The following SCRG1 variants were observed in gnomAD, a reference collection of about 807,000 sequenced individuals.
SCRG1 encodes the protein scrapie-responsive protein 1.
Under a neutral mutation model 7.7 loss-of-function variants are expected in SCRG1, and 3 were observed. The observed-to-expected ratio is 0.39, with a 90% CI of 0.18 to 1.01. SCRG1 has a LOEUF of 1.01. SCRG1 is among the 50% of genes least tolerant of loss of function. The pLI is 0.36. For synonymous variants in SCRG1, 46 were observed against 41.2 expected, an observed-to-expected ratio of 1.12 and a Z score of -0.44; for missense variants, 110 against 117.2, an observed-to-expected ratio of 0.94 and a Z score of 0.28.
chr4:173,393,245 A>G (rs147641992), intron 1 of SCRG1, among the ~76,000 whole-genome samples: 1 of 152,232 alleles, frequency 6.6e-6, no homozygotes, highest in Non-Finnish European at 1.5e-5. Context: ...GATTAGAAAC[A>G]AAGTATTTCT....
the SCRG1 span, among the ~76,000 whole-genome samples, chr4:173,434,739 G>A: frequency 6.6e-6 from 1 of 152,206 alleles, no homozygotes; most frequent in African/African-American, 2.4e-5. Flanking sequence ...GCTGAGGCAG[G>A]AGAATTGCTC....
At chr4:173,493,838 C>A in the SCRG1 span, among the ~76,000 whole-genome samples, 1 of 152,084 alleles carries the variant, frequency 6.6e-6, no homozygotes, top group African/African-American at 2.4e-5. Context: ...TGGATGGCCA[C>A]ATTTTTATTA....
the SCRG1 span, among the ~76,000 whole-genome samples, chr4:173,488,725 G>T: frequency 6.6e-6 from 1 of 152,076 alleles, no homozygotes; most frequent in Non-Finnish European, 1.5e-5. Context: ...TTGCAATATG[G>T]TTTCATCTGA....
chr4:173,424,619 A>G, the SCRG1 span, among the ~76,000 whole-genome samples: 135 of 152,298 alleles, frequency 8.9e-4, 2 homozygotes, highest in East Asian at 8.9e-3. Flanking sequence ...TAAGAAATGT[A>G]TGAAGCTAGG....
At chr4:173,457,473 G>T in the SCRG1 span, among the ~76,000 whole-genome samples, 10 of 152,270 alleles carry the variant, frequency 6.6e-5, no homozygotes, top group East Asian at 1.4e-3. Context: ...TAACATCAAA[G>T]AATTGAGTAA....
chr4:173,420,882 T>A, the SCRG1 span, among the ~76,000 whole-genome samples: 1 of 152,152 alleles, frequency 6.6e-6, no homozygotes, highest in Non-Finnish European at 1.5e-5. Context: ...AGATTAATAA[T>A]ACCTCCTCCC....
chr4:173,484,188 C>CTACATTA, the SCRG1 span, among the ~76,000 whole-genome samples: 1 of 62,126 alleles, frequency 1.6e-5, no homozygotes, highest in African/African-American at 7.1e-5. Flanking sequence ...AATATATTTT[C>CTACATTA]TATATTATAT....
At chr4:173,419,122 C>A in the SCRG1 span, 2 of 257,452 alleles carry the variant, frequency 7.8e-6, no homozygotes. Flanking sequence ...ATCACTGACA[C>A]TTATCCTGAG....
At chr4:173,500,397 G>A in the SCRG1 span, among the ~76,000 whole-genome samples, 3 of 152,180 alleles carry the variant, frequency 2.0e-5, no homozygotes, top group African/African-American at 7.2e-5. Flanking sequence ...AACAGCGCAG[G>A]AAATACGGGC....
chr4:173,448,020 C>T, the SCRG1 span, among the ~76,000 whole-genome samples: 1 of 152,170 alleles, frequency 6.6e-6, no homozygotes, highest in Non-Finnish European at 1.5e-5. Flanking sequence ...AGGAGAATCA[C>T]TTGAACCAGG....
At chr4:173,394,022 C>A (rs1739525928) in intron 1 of SCRG1, among the ~76,000 whole-genome samples, 1 of 151,870 alleles carries the variant, frequency 6.6e-6, no homozygotes, top group Non-Finnish European at 1.5e-5. Flanking sequence ...TTAAGTAAGT[C>A]ATTTGTAGAA....
chr4:173,485,964 T>A, the SCRG1 span, among the ~76,000 whole-genome samples: 1 of 152,140 alleles, frequency 6.6e-6, no homozygotes, highest in Admixed American at 6.5e-5. Flanking sequence ...AATGAGACTC[T>A]GTCTCAAAAA....
At chr4:173,482,881 T>C in the SCRG1 span, among the ~76,000 whole-genome samples, 1 of 141,208 alleles carries the variant, frequency 7.1e-6, no homozygotes, top group East Asian at 2.0e-4. Context: ...ATTTTTTATA[T>C]GTTATATATT....
chr4:173,486,864 C>T, the SCRG1 span, among the ~76,000 whole-genome samples: 1 of 152,114 alleles, frequency 6.6e-6, no homozygotes, highest in East Asian at 1.9e-4. Context: ...GCCAGGTGGC[C>T]CTCTTCCAGG....
the SCRG1 span, among the ~76,000 whole-genome samples, chr4:173,496,680 G>A: frequency 4.6e-5 from 7 of 152,334 alleles, no homozygotes; most frequent in Middle Eastern, 3.4e-3. Flanking sequence ...ATCTGGCACT[G>A]TGCAAAGCAT....
chr4:173,444,985 A>T, the SCRG1 span, among the ~76,000 whole-genome samples: 1 of 152,198 alleles, frequency 6.6e-6, no homozygotes, highest in Non-Finnish European at 1.5e-5. Context: ...TCCTGAAAGA[A>T]GATGTTAAAA....
the SCRG1 span, among the ~76,000 whole-genome samples, chr4:173,454,306 A>G: frequency 6.6e-6 from 1 of 152,224 alleles, no homozygotes; most frequent in South Asian, 2.1e-4. Flanking sequence ...GAAGGCCTGG[A>G]GAAACTTTCC....
the SCRG1 span, among the ~76,000 whole-genome samples, chr4:173,505,110 A>T: frequency 6.6e-6 from 1 of 151,944 alleles, no homozygotes; most frequent in South Asian, 2.1e-4. This position sits in a 1 kb window ranked among gnomAD's most constrained non-coding sequence, Gnocchi z 4.4. Flanking sequence ...TTAAATGACC[A>T]CTCATTTAGC....
chr4:173,403,220 A>G (rs1056652153), upstream of SCRG1: 3 of 152,162 alleles, frequency 2.0e-5, no homozygotes, highest in Admixed American at 6.5e-5. Context: ...AGAATCACCA[A>G]GTAGCTGTTG....
Sources: allele counts gnomAD v4.1 joint callset (sites outside exome capture counted in the v4.1 genomes callset), GRCh38; gene constraint gnomAD v4.1.1; non-coding constraint Gnocchi (gnomAD v3.1); transcripts MANE v1.5; gene names NCBI Gene and HGNC (gene_info 2026-07-23, HGNC 2026-07-21).